FAM83B: variants seen among roughly 807,000 people sequenced by gnomAD.
FAM83B encodes protein FAM83B.
In FAM83B, 26 loss-of-function variants were observed where a neutral mutation model predicts 38.8. The observed-to-expected ratio is 0.67, with a 90% CI of 0.49 to 0.93. FAM83B has a LOEUF of 0.93. Among genes scored for constraint, FAM83B ranks in the 40% least tolerant of loss-of-function variants. FAM83B has a pLI of 0.00. For synonymous variants in FAM83B, 419 were observed against 423.1 expected, an observed-to-expected ratio of 0.99 and a Z score of 0.12; for missense variants, 1,237 against 1,197.3, an observed-to-expected ratio of 1.03 and a Z score of -0.49.
intron 1 of FAM83B, among the ~76,000 whole-genome samples, chr6:54,852,226 A>T (rs1172949669): frequency 1.3e-5 from 2 of 152,194 alleles, no homozygotes; most frequent in Non-Finnish European, 2.9e-5. Context: ...TTGTGTTTTT[A>T]CTAATTGATG....
chr6:54,940,211 G>A lies in FAM83B; in HGVS notation c.1240G>A (p.Gly414Ser). 6.2e-7 allele frequency: 1 copy of A among 1,613,944 alleles called. No homozygotes were observed. Among genetic ancestry groups the A allele is most frequent in the Non-Finnish European group, 8.5e-7 (1 of 1,179,988 alleles). Residue 414 changes from glycine to serine, a missense_variant, in exon 5 of 5, where the codon GGT becomes AGT. Coordinates refer to ENST00000306858, the MANE Select transcript of FAM83B (RefSeq NM_001010872.3). ...RALNRTNNPPGNWKKPSDSLS... is the reference protein window; with the variant it reads ...RALNRTNNPPSNWKKPSDSLS... ...TCTGAATAGAACCAATAATCCACCT[G>A]GTAATTGGAAAAAGCCATCTGATAG...
At chr6:54,898,952 G>A (rs1772597407) in intron 2 of FAM83B, among the ~76,000 whole-genome samples, 1 of 152,084 alleles carries the variant, frequency 6.6e-6, no homozygotes, top group Non-Finnish European at 1.5e-5. Flanking sequence ...AACTTTCCAA[G>A]TTAGTTCATT....
At chr6:54,924,701 C>T (rs905218867) in intron 2 of FAM83B, among the ~76,000 whole-genome samples, 2 of 151,868 alleles carry the variant, frequency 1.3e-5, no homozygotes, top group Non-Finnish European at 2.9e-5. Context: ...CACTTTTTCT[C>T]CCTTTTCTCT....
intron 2 of FAM83B, among the ~76,000 whole-genome samples, chr6:54,923,348 C>T (rs536098678): frequency 6.6e-6 from 1 of 152,136 alleles, no homozygotes; most frequent in African/African-American, 2.4e-5. Context: ...ACTTAAAGCC[C>T]ATGATCAATC....
chr6:54,857,046 T>C (rs1289937848), intron 1 of FAM83B, among the ~76,000 whole-genome samples: 1 of 152,210 alleles, frequency 6.6e-6, no homozygotes, highest in Non-Finnish European at 1.5e-5. Context: ...TTTCTGCCAC[T>C]AAATGTATGT....
intron 2 of FAM83B, among the ~76,000 whole-genome samples, chr6:54,902,576 T>A (rs1772683202): frequency 6.6e-6 from 1 of 152,206 alleles, no homozygotes; most frequent in African/African-American, 2.4e-5. Context: ...CCCTCATTGA[T>A]CATCATAGTT....
At chr6:54,916,415 T>A (rs967010447) in intron 2 of FAM83B, among the ~76,000 whole-genome samples, 1 of 152,150 alleles carries the variant, frequency 6.6e-6, no homozygotes, top group Non-Finnish European at 1.5e-5. Context: ...AAAATCTAGA[T>A]TCTGAACCTT....
chr6:54,887,607 G>A, intron 2 of FAM83B, among the ~76,000 whole-genome samples: 1 of 151,694 alleles, frequency 6.6e-6, no homozygotes, highest in East Asian at 1.9e-4. Flanking sequence ...TATTTTTAAA[G>A]GGAATATTTT....
intron 2 of FAM83B, among the ~76,000 whole-genome samples, chr6:54,917,529 C>G (rs1773073626): frequency 6.6e-6 from 1 of 151,846 alleles, no homozygotes; most frequent in African/African-American, 2.4e-5. Context: ...AATAACAAAG[C>G]CAGAGAAAAA....
chr6:54,860,796 A>T (rs1248779164), intron 1 of FAM83B, among the ~76,000 whole-genome samples: 2 of 152,244 alleles, frequency 1.3e-5, no homozygotes, highest in Admixed American at 6.5e-5. Flanking sequence ...ATTTGAGATG[A>T]ATCAAAGACC....
At chr6:54,851,932 C>A (rs1156849633) in intron 1 of FAM83B, among the ~76,000 whole-genome samples, 3 of 151,940 alleles carry the variant, frequency 2.0e-5, no homozygotes, top group African/African-American at 7.2e-5. Flanking sequence ...CAGGCGTGAG[C>A]CACCGCGCCC....
intron 4 of FAM83B, among the ~76,000 whole-genome samples, chr6:54,938,680 G>T (rs748455257): frequency 3.9e-5 from 6 of 152,008 alleles, no homozygotes; most frequent in Non-Finnish European, 7.4e-5. Flanking sequence ...ATTGAGAATT[G>T]TCTATTCATG....
rs562784831 is a variant in FAM83B, at chr6:54,940,720, C to T, written c.1749C>T (p.Thr583=). 2 of 1,613,904 alleles carry T rather than the reference C, an allele frequency of 1.2e-6. No individual in the cohort carries two copies. The highest frequency in any genetic ancestry group is 2.2e-5 in the East Asian group (1 of 44,846). Residue 583 remains threonine, a synonymous_variant, in exon 5 of 5, where the codon ACC becomes ACT. Coordinates refer to ENST00000306858, the MANE Select transcript of FAM83B (RefSeq NM_001010872.3). ...AGACACCTAAAGAGGTCCCAGACAC[C>T]CCTACGAATGTACAGCATTTGACAG... ...GSETPKEVPD[T]PTNVQHLTDK...
At position 54,944,123 on chromosome 6, in the gene FAM83B, C is replaced by T. The variant is rs988851365; in HGVS notation, c.*2116C>T. On this transcript the variant is annotated 3_prime_UTR_variant, in exon 5 of 5. Coordinates refer to ENST00000306858, the MANE Select transcript of FAM83B (RefSeq NM_001010872.3). Reference sequence around the variant, plus strand: ...TCTATATTTGAGAATATGTACATAACAACTTTCCAAAGTCTCTGTGGCCAA... The same window carrying T: ...TCTATATTTGAGAATATGTACATAATAACTTTCCAAAGTCTCTGTGGCCAA... 6 of 152,084 alleles carry T rather than the reference C, an allele frequency of 3.9e-5. No individual in the cohort carries two copies. The highest frequency in any genetic ancestry group is 1.4e-4 in the African/African-American group (6 of 41,408). 9.4% of individuals were successfully genotyped at this position (152,084 alleles called of 1,614,324 possible).
intron 1 of FAM83B, among the ~76,000 whole-genome samples, chr6:54,858,991 G>A (rs1771510425): frequency 6.6e-6 from 1 of 152,026 alleles, no homozygotes; most frequent in Admixed American, 6.6e-5. Context: ...TTTAACATAA[G>A]CAAATATATG....
chr6:54,924,665 A>G (rs1357642046), intron 2 of FAM83B, among the ~76,000 whole-genome samples: 1 of 151,886 alleles, frequency 6.6e-6, no homozygotes, highest in Non-Finnish European at 1.5e-5. Context: ...CTTGGAGTGT[A>G]CCAGGGCTTG....
At chr6:54,929,648 G>T (rs1450171047) in intron 4 of FAM83B, among the ~76,000 whole-genome samples, 1 of 152,044 alleles carries the variant, frequency 6.6e-6, no homozygotes, top group Non-Finnish European at 1.5e-5. Context: ...GCACCTCTCA[G>T]GTTCCATTTT....
At chr6:54,874,065 T>G (rs1479817583) in intron 2 of FAM83B, among the ~76,000 whole-genome samples, 2 of 152,090 alleles carry the variant, frequency 1.3e-5, no homozygotes, top group Non-Finnish European at 2.9e-5. Flanking sequence ...TGAAACATTT[T>G]GTGTTTGTTT....
At chr6:54,928,300 CTG>C (rs1174953759) in intron 4 of FAM83B, among the ~76,000 whole-genome samples, 3 of 152,282 alleles carry the variant, frequency 2.0e-5, no homozygotes, top group East Asian at 3.9e-4. Context: ...GTGAACACGA[CTG>C]TGTAAGGCGA....
Sources: allele counts gnomAD v4.1 joint callset (sites outside exome capture counted in the v4.1 genomes callset), GRCh38; gene constraint gnomAD v4.1.1; transcripts MANE v1.5; gene names NCBI Gene and HGNC (gene_info 2026-07-23, HGNC 2026-07-21).